SLC35D2: variants seen among roughly 807,000 people sequenced by gnomAD.
The protein encoded by SLC35D2 is nucleotide sugar transporter SLC35D2.
A neutral mutation model predicts 41.8 loss-of-function variants in SLC35D2; 43 were observed. That is an observed-to-expected ratio of 1.03 (90% confidence interval 0.81 to 1.33). SLC35D2 has a LOEUF of 1.33. Among genes scored for constraint, SLC35D2 ranks in the 40% most tolerant of loss-of-function variants. SLC35D2 has a pLI of 0.00. For missense variants in SLC35D2, 380 were observed against 408.4 expected, an observed-to-expected ratio of 0.93 and a Z score of 0.60; for synonymous variants, 150 against 163.9, an observed-to-expected ratio of 0.92 and a Z score of 0.65.
chr9:96,373,313 A>G (rs535431001), intron 1 of SLC35D2, among the ~76,000 whole-genome samples: 1 of 152,262 alleles, frequency 6.6e-6, no homozygotes, highest in South Asian at 2.1e-4. Flanking sequence ...AACCAATATT[A>G]TTTCTGCAAA....
downstream of SLC35D2, among the ~76,000 whole-genome samples, chr9:96,320,016 A>G (rs1228527350): frequency 6.6e-6 from 1 of 152,202 alleles, no homozygotes; most frequent in African/African-American, 2.4e-5. Flanking sequence ...TGACTCCCAG[A>G]CTGTGGCTCT....
intron 1 of SLC35D2, among the ~76,000 whole-genome samples, chr9:96,369,608 C>G (rs1830601310): frequency 1.3e-5 from 2 of 152,174 alleles, no homozygotes; most frequent in African/African-American, 4.8e-5. Flanking sequence ...GAACAGAGGT[C>G]AAGACAGGGA....
At chr9:96,374,915 A>T (rs1830875790) in intron 1 of SLC35D2, among the ~76,000 whole-genome samples, 1 of 151,204 alleles carries the variant, frequency 6.6e-6, no homozygotes, top group Non-Finnish European at 1.5e-5. Flanking sequence ...ATCCAAAAAG[A>T]TGTCTGAAAT....
At chr9:96,349,009 C>T (rs150097674) in intron 6 of SLC35D2, among the ~76,000 whole-genome samples, 478 of 152,240 alleles carry the variant, frequency 3.1e-3, no homozygotes, top group Non-Finnish European at 5.7e-3. Context: ...GGGGCTGTGC[C>T]GGGGAGACCT....
intron 9 of SLC35D2, among the ~76,000 whole-genome samples, chr9:96,325,406 G>A (rs920043018): frequency 1.3e-5 from 2 of 152,164 alleles, no homozygotes; most frequent in African/African-American, 4.8e-5. Context: ...GGTCAGGTTC[G>A]GCACGGTGGC....
Position 96,343,026 on chromosome 9 carries a change from G to A in SLC35D2, c.684+878C>T, listed in dbSNP as rs555130120. Among the ~76,000 whole-genome samples the A allele has an allele frequency of 2.6e-5, 4 of 152,360 alleles. No homozygotes were observed. The East Asian group carries it at 5.8e-4, about 22-fold the overall frequency. On this transcript the variant is annotated intron_variant, in intron 8 of 11. Coordinates refer to ENST00000253270, the MANE Select transcript of SLC35D2 (RefSeq NM_007001.3). Reference sequence around the variant, plus strand: ...GCTGTGTCCGGAGTCGAGTCTGTGGGTGGAGGTCCCGCTGAGGAGGGTTTT... The same window carrying A: ...GCTGTGTCCGGAGTCGAGTCTGTGGATGGAGGTCCCGCTGAGGAGGGTTTT...
At chr9:96,331,575 A>G (rs557321705) in intron 9 of SLC35D2, among the ~76,000 whole-genome samples, 1 of 152,184 alleles carries the variant, frequency 6.6e-6, no homozygotes, top group Non-Finnish European at 1.5e-5. Flanking sequence ...CTCCTTGGAA[A>G]AAGCACAGGC....
intron 1 of SLC35D2, among the ~76,000 whole-genome samples, chr9:96,376,274 G>T (rs1830951075): frequency 1.6e-5 from 2 of 125,120 alleles, no homozygotes; most frequent in African/African-American, 3.1e-5. Flanking sequence ...CAGCCCAGGT[G>T]ACAGAGTGAG....
chr9:96,361,230 A>T (rs1249594784), intron 3 of SLC35D2, among the ~76,000 whole-genome samples: 1 of 152,284 alleles, frequency 6.6e-6, no homozygotes, highest in East Asian at 1.9e-4. Context: ...TTCCTCACTC[A>T]TATGCACTGT....
Position 96,363,620 on chromosome 9 carries a change from G to C in SLC35D2, c.279+844C>G, listed in dbSNP as rs923200002. Among the ~76,000 whole-genome samples, 60 of 152,148 alleles carry C rather than the reference G, an allele frequency of 3.9e-4. 1 individual carries two copies. The highest frequency in any genetic ancestry group is 8.8e-5 in the Non-Finnish European group (6 of 68,014). ...ATTTTATGTTTCTAGTTCCAGGACG[G>C]AAAAAACTGCGTATTTCTATGTATA... On this transcript the variant is annotated intron_variant, in intron 3 of 11. Coordinates refer to ENST00000253270, the MANE Select transcript of SLC35D2 (RefSeq NM_007001.3).
At chr9:96,339,592 T>C (rs943295811) in intron 8 of SLC35D2, among the ~76,000 whole-genome samples, 1 of 152,212 alleles carries the variant, frequency 6.6e-6, no homozygotes, top group African/African-American at 2.4e-5. Context: ...CCTTTAGACT[T>C]ACTGTTGGAA....
chr9:96,326,339 T>C (rs767645726), intron 9 of SLC35D2, among the ~76,000 whole-genome samples: 3 of 152,238 alleles, frequency 2.0e-5, no homozygotes, highest in Non-Finnish European at 2.9e-5. Context: ...ATTCACTAAG[T>C]TGTAAATGGA....
At chr9:96,379,595 C>CT (rs1406696445) in intron 1 of SLC35D2, among the ~76,000 whole-genome samples, 1 of 152,212 alleles carries the variant, frequency 6.6e-6, no homozygotes. Flanking sequence ...AAGGTCCTTT[C>CT]TTCTATCCTA....
At chr9:96,336,284 T>C (rs994776937) in intron 9 of SLC35D2, among the ~76,000 whole-genome samples, 12 of 152,064 alleles carry the variant, frequency 7.9e-5, no homozygotes, top group Non-Finnish European at 1.5e-5. Context: ...CAGGAGCCTG[T>C]AGTCCCAGCT....
In SLC35D2 at chr9:96,351,106, G is replaced by C. The variant is rs776375457; in HGVS notation, c.485C>G (p.Ala162Gly). The C allele has an allele frequency of 6.2e-7, 1 of 1,609,366 alleles. No homozygotes were observed. ...CAGAAACAGTCCAAAGTCTTACCCAGCTGCTATGAAAGCCCCGAGAATAAT... is the reference window on the plus strand; with the variant it reads ...CAGAAACAGTCCAAAGTCTTACCCACCTGCTATGAAAGCCCCGAGAATAAT... ...FAIILGAFIA[A>G]GSDLAFNLEG... is the part of the protein sequence containing the mutation. Residue 162 changes from alanine (A) to glycine (G), a missense_variant, in exon 6 of 12, where the codon GCT becomes GGT. Coordinates refer to ENST00000253270, the MANE Select transcript of SLC35D2 (RefSeq NM_007001.3).
chr9:96,331,391 A>G (rs1349374662), intron 9 of SLC35D2, among the ~76,000 whole-genome samples: 1 of 152,150 alleles, frequency 6.6e-6, no homozygotes. Context: ...CTCCTTTCAC[A>G]TGTAACACGT....
chr9:96,383,379 T>C (rs1317433190), intron 1 of SLC35D2, 98 bp downstream of exon 1: 5 of 934,366 alleles, frequency 5.4e-6, no homozygotes, highest in Non-Finnish European at 7.4e-6. Flanking sequence ...CGAGGGTCCC[T>C]GTCCCCACCC....
chr9:96,319,512 A>AG (rs1382696029), downstream of SLC35D2, among the ~76,000 whole-genome samples: 3 of 151,564 alleles, frequency 2.0e-5, no homozygotes, highest in Non-Finnish European at 1.5e-5. Context: ...ATTTAAAAAA[A>AG]AAGTTTTTTT....
chr9:96,335,415 C>T (rs1159839336), intron 9 of SLC35D2, among the ~76,000 whole-genome samples: 4 of 151,840 alleles, frequency 2.6e-5, no homozygotes, highest in Non-Finnish European at 5.9e-5. Context: ...GCTGGAGTGC[C>T]GTGGCGCGAT....
Sources: gnomAD v4.1 joint callset for allele counts (sites outside exome capture counted in the v4.1 genomes callset) on GRCh38, gnomAD v4.1.1 for gene constraint, MANE v1.5 for transcripts, NCBI Gene and HGNC (gene_info 2026-07-23, HGNC 2026-07-21) for gene names.